PTGFR: variants seen among roughly 807,000 people sequenced by gnomAD.
PTGFR encodes prostaglandin F receptor.
A neutral mutation model predicts 26.2 loss-of-function variants in PTGFR; 15 were observed. The ratio of observed to expected loss-of-function variants is 0.57; its 90% CI spans 0.38 to 0.88. The LOEUF is 0.88. PTGFR is among the 40% of genes least tolerant of loss of function. PTGFR has a pLI of 0.00. For synonymous variants in PTGFR, 165 were observed against 151.1 expected (o/e 1.09, Z -0.68); for missense variants, 369 against 427.2 (o/e 0.86, Z 1.20).
intron 2 of PTGFR, among the ~76,000 whole-genome samples, chr1:78,522,772 G>GT (rs1650277462): frequency 6.6e-6 from 1 of 151,906 alleles, no homozygotes; most frequent in East Asian, 1.9e-4. Context: ...TGCAAAATCT[G>GT]TTTTTTCTAA....
At chr1:78,504,800 A>G (rs1013308703) in intron 2 of PTGFR, among the ~76,000 whole-genome samples, 1 of 152,152 alleles carries the variant, frequency 6.6e-6, no homozygotes, top group African/African-American at 2.4e-5. Context: ...CAAATTATTT[A>G]TTGAATGCTC....
rs1397390942 is a variant in PTGFR, at chr1:78,493,101, C to T, written c.358C>T (p.Leu120=). The T allele has an allele frequency of 6.2e-7, 1 of 1,614,108 alleles. No individual in the cohort carries two copies. Among genetic ancestry groups the T allele is most frequent in the African/African-American group, 1.3e-5 (1 of 74,936 alleles). Residue 120 remains leucine, a synonymous_variant, in exon 2 of 3, where the codon CTG becomes TTG. Transcript: ENST00000370757. ...IFGICMVFSG[L]CPLLLGSVMA... ...TGGTATCTGCATGGTGTTTTCTGGT[C>T]TGTGCCCACTTCTTCTAGGCAGTGT...
At chr1:78,521,805 T>A (rs540711072) in intron 2 of PTGFR, among the ~76,000 whole-genome samples, 4 of 152,142 alleles carry the variant, frequency 2.6e-5, no homozygotes, top group Non-Finnish European at 4.4e-5. Flanking sequence ...GTGTAATGGC[T>A]GTTGTAGGTT....
intron 2 of PTGFR, among the ~76,000 whole-genome samples, chr1:78,500,678 C>T (rs1557648879): frequency 6.6e-6 from 1 of 152,226 alleles, no homozygotes; most frequent in African/African-American, 2.4e-5. Context: ...AAGTCTATTG[C>T]CTCCAGAGCC....
chr1:78,532,178 C>A, intron 2 of PTGFR: 1 of 399,558 alleles, frequency 2.5e-6, no homozygotes, highest in Admixed American at 3.2e-5. Flanking sequence ...TGGAAAACCA[C>A]TTAGGAGTCT....
chr1:78,522,253 C>G (rs1384959746), intron 2 of PTGFR, among the ~76,000 whole-genome samples: 1 of 152,036 alleles, frequency 6.6e-6, no homozygotes, highest in Non-Finnish European at 1.5e-5. Flanking sequence ...GGGAATCTCT[C>G]TGGCTTCTCT....
intron 2 of PTGFR, among the ~76,000 whole-genome samples, chr1:78,504,660 CT>C (rs890852251): frequency 1.3e-5 from 2 of 152,038 alleles, no homozygotes; most frequent in African/African-American, 4.8e-5. Flanking sequence ...GTATTTACCT[CT>C]TTTTTTCTTC....
intron 2 of PTGFR, among the ~76,000 whole-genome samples, chr1:78,514,633 A>G (rs1650050965): frequency 6.6e-6 from 1 of 152,158 alleles, no homozygotes; most frequent in Non-Finnish European, 1.5e-5. Context: ...AAATGTGAGA[A>G]GGACATAAGA....
intron 2 of PTGFR, among the ~76,000 whole-genome samples, chr1:78,529,252 T>C (rs571576780): frequency 1.3e-5 from 2 of 152,290 alleles, no homozygotes; most frequent in African/African-American, 4.8e-5. Flanking sequence ...AGTGGTCAAA[T>C]AAAGTAGCCT....
At chr1:78,521,990 T>A (rs1055367286) in intron 2 of PTGFR, among the ~76,000 whole-genome samples, 18 of 152,148 alleles carry the variant, frequency 1.2e-4, no homozygotes, top group African/African-American at 4.3e-4. Context: ...CTGAGTTCTC[T>A]GCTCAGGGTC....
At chr1:78,517,895 T>G (rs1049536205) in intron 2 of PTGFR, among the ~76,000 whole-genome samples, 3 of 152,190 alleles carry the variant, frequency 2.0e-5, no homozygotes, top group Non-Finnish European at 4.4e-5. Flanking sequence ...ATTTTTTTTG[T>G]TAGAAATTTC....
chr1:78,517,971 A>G (rs189484346), intron 2 of PTGFR, among the ~76,000 whole-genome samples: 12 of 152,300 alleles, frequency 7.9e-5, no homozygotes, highest in Admixed American at 6.5e-4. Flanking sequence ...GGCAAATAAT[A>G]AATTACTATT....
intron 2 of PTGFR, among the ~76,000 whole-genome samples, chr1:78,511,700 C>T (rs867041084): frequency 3.3e-5 from 5 of 152,326 alleles, no homozygotes; most frequent in Middle Eastern, 3.4e-3. Flanking sequence ...GAAGTGGTTG[C>T]TCCCAGCCCA....
intron 2 of PTGFR, among the ~76,000 whole-genome samples, chr1:78,533,868 A>G (rs1442329513): frequency 6.6e-6 from 1 of 152,144 alleles, no homozygotes. Flanking sequence ...GAATTGTTTT[A>G]CGTGGCCCAA....
intron 2 of PTGFR, among the ~76,000 whole-genome samples, chr1:78,525,567 T>G (rs1650350690): frequency 6.6e-6 from 1 of 151,794 alleles, no homozygotes. Context: ...GAATCTAGGG[T>G]TTTTAATTAC....
chr1:78,506,317 G>T (rs1649827417), intron 2 of PTGFR, among the ~76,000 whole-genome samples: 1 of 151,298 alleles, frequency 6.6e-6, no homozygotes. Context: ...GTGCTTGTTG[G>T]CTATTTGTAT....
At chr1:78,502,411 A>G (rs1458652923) in intron 2 of PTGFR, among the ~76,000 whole-genome samples, 2 of 152,168 alleles carry the variant, frequency 1.3e-5, no homozygotes, top group South Asian at 4.1e-4. Flanking sequence ...CTCATAATTA[A>G]GTAGTAATAA....
intron 2 of PTGFR, among the ~76,000 whole-genome samples, chr1:78,499,063 A>G (rs987066573): frequency 3.3e-5 from 5 of 152,206 alleles, no homozygotes; most frequent in African/African-American, 1.2e-4. Context: ...TGGGGAAGGC[A>G]TGAAGTAAGT....
chr1:78,528,847 G>T (rs1650438932), intron 2 of PTGFR, among the ~76,000 whole-genome samples: 1 of 151,886 alleles, frequency 6.6e-6, no homozygotes, highest in Non-Finnish European at 1.5e-5. Flanking sequence ...CAATAAATAA[G>T]TAGATGCCGA....
Sources: gnomAD v4.1 joint callset for allele counts (sites outside exome capture counted in the v4.1 genomes callset) on GRCh38, gnomAD v4.1.1 for gene constraint, MANE v1.5 for transcripts, NCBI Gene and HGNC (gene_info 2026-07-23, HGNC 2026-07-21) for gene names.